Variants in OSBP2 observed in about 807,000 individuals in gnomAD.
OSBP2 encodes the protein oxysterol-binding protein 2.
OSBP2 carries 66 observed loss-of-function variants against 96.0 expected under a neutral mutation model. The ratio of observed to expected loss-of-function variants is 0.69; its 90% confidence interval spans 0.56 to 0.84. OSBP2 has a LOEUF of 0.84. OSBP2 is among the 40% of genes least tolerant of loss of function. The pLI, the probability that OSBP2 is intolerant of heterozygous loss-of-function variation, is 0.00. For missense variants in OSBP2, 1,038 were observed against 1,222.7 expected (o/e 0.85, Z 2.25); for synonymous variants, 525 against 520.9 (o/e 1.01, Z -0.11).
At chr22:30,884,781 A>G (rs1352336336) in intron 3 of OSBP2, among the ~76,000 whole-genome samples, 1 of 152,038 alleles carries the variant, frequency 6.6e-6, no homozygotes, top group African/African-American at 2.4e-5. Context: ...CCGCCTCAGG[A>G]CACCCCCGTC....
chr22:30,822,888 C>T (rs1480874043), intron 2 of OSBP2, among the ~76,000 whole-genome samples: 1 of 152,208 alleles, frequency 6.6e-6, no homozygotes, highest in Non-Finnish European at 1.5e-5. Context: ...GCGTGCGCTC[C>T]CGGCTTGCTT....
At chr22:30,790,567 C>G (rs574381695) in intron 2 of OSBP2, among the ~76,000 whole-genome samples, 2 of 151,056 alleles carry the variant, frequency 1.3e-5, no homozygotes. Flanking sequence ...GCTGCTTGCT[C>G]ATGTGTCTGT....
chr22:30,828,582 T>G (rs1302757334), intron 2 of OSBP2, among the ~76,000 whole-genome samples: 2 of 151,980 alleles, frequency 1.3e-5, no homozygotes, highest in African/African-American at 4.8e-5. Flanking sequence ...GCATTGCGAG[T>G]GGGCAGGGAT....
chr22:30,822,641 G>A, intron 2 of OSBP2: 1 of 1,533,098 alleles, frequency 6.5e-7, no homozygotes, highest in Non-Finnish European at 8.7e-7. Context: ...ATGAAGGGAC[G>A]CGGCTGCTGG....
chr22:30,785,331 G>A (rs2090571322), intron 2 of OSBP2, among the ~76,000 whole-genome samples: 1 of 152,086 alleles, frequency 6.6e-6, no homozygotes, highest in South Asian at 2.1e-4. Flanking sequence ...CACTTTGGGA[G>A]GCCAAGGCAA....
intron 1 of OSBP2, among the ~76,000 whole-genome samples, chr22:30,724,864 G>A (rs1283322699): frequency 6.6e-6 from 1 of 152,122 alleles, no homozygotes; most frequent in Non-Finnish European, 1.5e-5. Context: ...AAAGAGCCCT[G>A]TGCTGGTGGC....
intron 2 of OSBP2, among the ~76,000 whole-genome samples, chr22:30,831,016 C>T (rs961632198): frequency 6.6e-6 from 1 of 152,180 alleles, no homozygotes; most frequent in African/African-American, 2.4e-5. Flanking sequence ...AGGTTCTTCC[C>T]AGATCACTGT....
chr22:30,820,792 C>T (rs1315341607), intron 2 of OSBP2, among the ~76,000 whole-genome samples: 1 of 152,156 alleles, frequency 6.6e-6, no homozygotes, highest in Non-Finnish European at 1.5e-5. Context: ...AAAACCAAGG[C>T]CCAGAATGGC....
intron 3 of OSBP2, among the ~76,000 whole-genome samples, chr22:30,876,005 G>T (rs1003846490): frequency 1.3e-5 from 2 of 152,222 alleles, no homozygotes; most frequent in African/African-American, 4.8e-5. Flanking sequence ...GCCCACTTTT[G>T]AAGGCCAAGT....
chr22:30,902,151 A>AAAAAAAGAGGGTCCCACGGCAGT, intron 12 of OSBP2: 1 of 446,618 alleles, frequency 2.2e-6, no homozygotes. Flanking sequence ...AAAAAAAAAA[A>AAAAAAAGAGGGTCCCACGGCAGT]ACAGAGGGTC....
chr22:30,781,921 T>C (rs1044273165), intron 2 of OSBP2, among the ~76,000 whole-genome samples: 1 of 152,168 alleles, frequency 6.6e-6, no homozygotes, highest in Non-Finnish European at 1.5e-5. Flanking sequence ...CCGAGGTGGA[T>C]GGATCACTTG....
At chr22:30,861,169 G>A (rs1350622525) in intron 2 of OSBP2, among the ~76,000 whole-genome samples, 1 of 152,186 alleles carries the variant, frequency 6.6e-6, no homozygotes, top group African/African-American at 2.4e-5. Flanking sequence ...TTTCCCCTGA[G>A]AAGTCATAAG....
At chr22:30,867,674 G>A (rs2039372029) in intron 2 of OSBP2, among the ~76,000 whole-genome samples, 1 of 152,224 alleles carries the variant, frequency 6.6e-6, no homozygotes, top group Non-Finnish European at 1.5e-5. Flanking sequence ...TGTGTCCCTG[G>A]GGACCTGAAT....
At chr22:30,875,295 A>G (rs2039554601) in intron 3 of OSBP2, among the ~76,000 whole-genome samples, 1 of 151,494 alleles carries the variant, frequency 6.6e-6, no homozygotes, top group Admixed American at 6.6e-5. Context: ...ATGGGCAACC[A>G]CACTTTCCAT....
At chr22:30,895,795 A>C in intron 12 of OSBP2, among the ~76,000 whole-genome samples, 1 of 151,762 alleles carries the variant, frequency 6.6e-6, no homozygotes, top group East Asian at 2.0e-4. Context: ...AAAATTAGCC[A>C]GGCATGGTGG....
intron 1 of OSBP2, among the ~76,000 whole-genome samples, chr22:30,729,951 T>G: frequency 6.6e-6 from 1 of 152,082 alleles, no homozygotes; most frequent in East Asian, 1.9e-4. Context: ...ATTTCTGGGT[T>G]TTTTTGTTTT....
In OSBP2 at chr22:30,799,080, C is replaced by T. The variant is rs111762572; in HGVS notation, c.853+57711C>T. On this transcript the variant is annotated intron_variant, in intron 2 of 13. Transcript: ENST00000332585. ...GGTTTCCTTCCTTCCTTCCTTCCTT[C>T]CTTCCTTCCTTCCTTCCTTCCTTCC... Among the ~76,000 whole-genome samples, 518 of 148,366 alleles carry T rather than the reference C, an allele frequency of 3.5e-3. 4 individuals carry two copies. Among genetic ancestry groups the T allele is most frequent in the African/African-American group, 0.011 (459 of 40,474 alleles).
intron 2 of OSBP2, among the ~76,000 whole-genome samples, chr22:30,765,426 C>T (rs1013701774): frequency 2.6e-5 from 4 of 152,092 alleles, no homozygotes; most frequent in African/African-American, 7.2e-5. Context: ...CCAGGCTGGT[C>T]TTGAACTCCT....
At chr22:30,738,090 T>A (rs1057289130) in intron 1 of OSBP2, among the ~76,000 whole-genome samples, 1 of 151,668 alleles carries the variant, frequency 6.6e-6, no homozygotes, top group Non-Finnish European at 1.5e-5. Flanking sequence ...TTTTTTTTTT[T>A]CAACTCCAGA....
Sources: gnomAD v4.1 joint callset for allele counts (sites outside exome capture counted in the v4.1 genomes callset) on GRCh38, gnomAD v4.1.1 for gene constraint, MANE v1.5 for transcripts, NCBI Gene and HGNC (gene_info 2026-07-23, HGNC 2026-07-21) for gene names.